The following ZFP36L2 variants were observed in gnomAD, a reference collection of about 807,000 sequenced individuals.
ZFP36L2 encodes the protein mRNA decay activator protein ZFP36L2.
In ZFP36L2, 16 loss-of-function variants were observed where a neutral mutation model predicts 27.9. The observed-to-expected ratio is 0.57, with a 90% CI of 0.39 to 0.87. The LOEUF (loss-of-function observed/expected upper bound fraction) is 0.87. Ranked by LOEUF, ZFP36L2 falls within the 40% of genes least tolerant of loss-of-function variation. The pLI is 0.00. For missense variants in ZFP36L2, 989 were observed against 726.9 expected, an observed-to-expected ratio of 1.36 and a Z score of -4.15; for synonymous variants, 600 against 363.8, an observed-to-expected ratio of 1.65 and a Z score of -7.39.
Position 43,225,521 on chromosome 2 carries a change from G to GA in ZFP36L2, c.282dup (p.Pro95SerfsTer8). 1 of 1,593,612 alleles carries GA rather than the reference G, an allele frequency of 6.3e-7. No individual in the cohort carries two copies. Among genetic ancestry groups the GA allele is most frequent in the Non-Finnish European group, 8.5e-7 (1 of 1,173,118 alleles). On this transcript the variant is annotated frameshift_variant, in exon 2 of 2. Transcript: ENST00000282388. LOFTEE classifies it high-confidence loss of function. Reference sequence around the variant, plus strand: ...TCCTTAAGGGTGCCGTAGGAGGTCGGACCGCCGGCCGCCGCGCTGCCGCAG... The same window carrying GA: ...TCCTTAAGGGTGCCGTAGGAGGTCGGAACCGCCGGCCGCCGCGCTGCCGCAG...
In ZFP36L2 at chr2:43,225,444, C is replaced by G. The variant is rs1415054550; in HGVS notation, c.360G>C (p.Arg120=). The change falls in exon 2 of 2, where the codon CGG becomes CGC. Residue 120 remains arginine (R), a synonymous_variant. Coordinates refer to ENST00000282388, the MANE Select transcript of ZFP36L2 (RefSeq NM_006887.5). ...CGCCGTTCTCGCTAAACGAGCGGTC[C>G]CGGAATTTGTTCTCCTTGTTGAGCA... is the stretch of plus-strand genomic sequence containing the variant. ...TALLNKENKF[R]DRSFSENGDR... 3 of 1,612,572 alleles carry G rather than the reference C, an allele frequency of 1.9e-6. No individual in the cohort carries two copies. Among genetic ancestry groups the G allele is most frequent in the South Asian group, 1.1e-5 (1 of 91,000 alleles).
Position 43,225,237 on chromosome 2 carries a change from A to C in ZFP36L2, c.567T>G (p.His189Gln). The C allele has an allele frequency of 6.2e-7, 1 of 1,608,402 alleles. No homozygotes were observed. The highest frequency in any genetic ancestry group is 8.5e-7 in the Non-Finnish European group (1 of 1,179,864). Residue 189 changes from histidine to glutamine, a missense_variant, in exon 2 of 2, where the codon CAT (histidine) becomes CAG (glutamine). Physicochemically the swap from His to Gln is conservative, Grantham distance 24. Coordinates refer to ENST00000282388, the MANE Select transcript of ZFP36L2 (RefSeq NM_006887.5). The part of the protein sequence containing the change: ...GFHELRSLTR[H>Q]PKYKTELCRT... ...GGCACAGCTCGGTCTTGTACTTCGG[A>C]TGGCGAGTCAGGCTGCGCAGCTCGT...
chr2:43,226,569 C>T lies in ZFP36L2; in HGVS notation c.-254G>A, dbSNP rs566245657. ...CCCCGGGGTGCCCGGCCCGCCCCCC[C>T]CGCGGAGCCGACGGCAGCTCGCGGA... On this transcript the variant is annotated 5_prime_UTR_variant, in exon 1 of 2. Coordinates refer to ENST00000282388, the MANE Select transcript of ZFP36L2 (RefSeq NM_006887.5). 1.0e-5 allele frequency: 5 copies of T among 500,520 alleles called. No homozygotes were observed. The highest frequency in any genetic ancestry group is 6.2e-5 in the African/African-American group (3 of 48,184). 31.0% of individuals were successfully genotyped at this position (500,520 alleles called of 1,614,324 possible). A position where few individuals can be genotyped will look rare whatever the true frequency, so the allele number is the denominator to read the frequency against.
Position 43,226,169 on chromosome 2 carries a change from G to A in ZFP36L2, c.51+96C>T, listed in dbSNP as rs962121499. 4.0e-6 allele frequency: 6 copies of A among 1,491,864 alleles called. No homozygotes were observed. The Admixed American group carries it at 5.9e-5, about 15-fold the overall frequency. 92.4% of individuals were successfully genotyped at this position (1,491,864 alleles called of 1,614,324 possible). ...ACCCCGGGACTTTCCCGACCTGAAA[G>A]GCAGGGCGGGAGGGGCGTCCCCCAG... is the stretch of plus-strand genomic sequence containing the variant. On this transcript the variant is annotated intron_variant, in intron 1 of 1. Coordinates refer to ENST00000282388, the MANE Select transcript of ZFP36L2 (RefSeq NM_006887.5).
rs1306480514 is a variant in ZFP36L2 at position 43,223,048 on chromosome 2, T to C, written c.*1271A>G. 3 of 152,340 alleles carry C rather than the reference T, an allele frequency of 2.0e-5. No homozygotes were observed. The highest frequency in any genetic ancestry group is 7.2e-5 in the African/African-American group (3 of 41,446). The allele number at this position is 152,340 out of a possible 1,614,324, so 9.4% of individuals were successfully genotyped here. ...AAAAGCATGCCACATTTCAGCCTGA[T>C]TGCAAAGTATGTGGTCATTTTTTTC... On this transcript the variant is annotated 3_prime_UTR_variant, in exon 2 of 2. Transcript: ENST00000282388.
Position 43,224,742 on chromosome 2 carries a change from C to T in ZFP36L2, c.1062G>A (p.Ser354=). The T allele has an allele frequency of 6.6e-7, 1 of 1,515,382 alleles. No individual in the cohort carries two copies. Among genetic ancestry groups the T allele is most frequent in the South Asian group, 1.2e-5 (1 of 82,364 alleles). 93.9% of individuals were successfully genotyped at this position (1,515,382 alleles called of 1,614,324 possible). A position where few individuals can be genotyped will look rare whatever the true frequency, so the allele number is the denominator to read the frequency against. Residue 354 remains serine, a synonymous_variant, in exon 2 of 2, where the codon TCG becomes TCA. Coordinates refer to ENST00000282388, the MANE Select transcript of ZFP36L2 (RefSeq NM_006887.5). ...LAPGAPCAAC[S]SASCANNAFA... ...AGGCGTTGTTGGCGCACGAGGCCGA[C>T]GAGCAGGCCGCGCACGGGGCCCCCG...
Position 43,224,550 on chromosome 2 carries a change from G to T in ZFP36L2, c.1254C>A (p.Pro418=). Residue 418 remains proline, a synonymous_variant, in exon 2 of 2, where the codon CCC becomes CCA. Transcript: ENST00000282388. ...QPPAPPSATL[P]AGAAAPPSPP... is the part of the protein sequence containing the mutation. ...GCGAGGGAGGTGCGGCGGCCCCGGC[G>T]GGGAGGGTCGCGCTGGGCGGCGCCG... 1 of 1,416,352 alleles carries T rather than the reference G, an allele frequency of 7.1e-7. No homozygotes were observed. Among genetic ancestry groups the T allele is most frequent in the Non-Finnish European group, 9.2e-7 (1 of 1,090,294 alleles). 87.7% of individuals were successfully genotyped at this position (1,416,352 alleles called of 1,614,324 possible).
rs1667070497 is a variant in ZFP36L2, at chr2:43,225,458, C to G, written c.346G>C (p.Glu116Gln). The G allele has an allele frequency of 1.9e-6, 3 of 1,612,072 alleles. No individual in the cohort carries two copies. Among genetic ancestry groups the G allele is most frequent in the Non-Finnish European group, 2.5e-6 (3 of 1,179,238 alleles). Reference sequence around the variant, plus strand: ...AACGAGCGGTCCCGGAATTTGTTCTCCTTGTTGAGCAGGGCTGTGCCGCCG... The same window carrying G: ...AACGAGCGGTCCCGGAATTTGTTCTGCTTGTTGAGCAGGGCTGTGCCGCCG... ...GGGGTALLNK[E>Q]NKFRDRSFSE... The change falls in exon 2 of 2, where the codon GAG (glutamate) becomes CAG (glutamine). Residue 116 changes from glutamate to glutamine, a missense_variant. By Grantham distance (29) the Glu-to-Gln change is conservative (BLOSUM62 2). Coordinates refer to ENST00000282388, the MANE Select transcript of ZFP36L2 (RefSeq NM_006887.5).
rs1434855453 is a variant in ZFP36L2 at position 43,226,566 on chromosome 2, C to A, written c.-251G>T. 4.0e-6 allele frequency: 2 copies of A among 501,880 alleles called. No homozygotes were observed. The highest frequency in any genetic ancestry group is 6.9e-6 in the Non-Finnish European group (2 of 287,818). The allele number at this position is 501,880 out of a possible 1,614,324, so 31.1% of individuals were successfully genotyped here. A position where few individuals can be genotyped will look rare whatever the true frequency, so the allele number is the denominator to read the frequency against. ...GCGCCCCGGGGTGCCCGGCCCGCCC[C>A]CCCCGCGGAGCCGACGGCAGCTCGC... On this transcript the variant is annotated 5_prime_UTR_variant, in exon 1 of 2. Transcript: ENST00000282388.
rs1465891543 is a variant in ZFP36L2, at chr2:43,225,439, C to T, written c.365G>A (p.Arg122His). 1 of 1,612,562 alleles carries T rather than the reference C, an allele frequency of 6.2e-7. No homozygotes were observed. The highest frequency in any genetic ancestry group is 8.5e-7 in the Non-Finnish European group (1 of 1,179,602). The change falls in exon 2 of 2, where the codon CGC (arginine) becomes CAC (histidine). Residue 122 changes from arginine to histidine, a missense_variant. Coordinates refer to ENST00000282388, the MANE Select transcript of ZFP36L2 (RefSeq NM_006887.5). ...GCGATCGCCGTTCTCGCTAAACGAG[C>T]GGTCCCGGAATTTGTTCTCCTTGTT... ...LLNKENKFRD[R>H]SFSENGDRSQ...
Position 43,224,897 on chromosome 2 carries a change from CGGA to C in ZFP36L2, c.904_906del (p.Ser302del), listed in dbSNP as rs770409982. On this transcript the variant is annotated inframe_deletion, in exon 2 of 2. Transcript: ENST00000282388. ...GCGGAGGCCGAGGAACAGGAGGAGG[CGGA>C]GGAGGAGCAGGACGAGGCCGAAGAG... 8.5e-6 allele frequency: 13 copies of C among 1,538,258 alleles called. No homozygotes were observed. Among genetic ancestry groups the C allele is most frequent in the East Asian group, 2.5e-5 (1 of 39,428 alleles).
rs935332262 is a variant in ZFP36L2 at position 43,223,634 on chromosome 2, G to A, written c.*685C>T. 2 of 152,702 alleles carry A rather than the reference G, an allele frequency of 1.3e-5. No homozygotes were observed. The highest frequency in any genetic ancestry group is 2.9e-5 in the Non-Finnish European group (2 of 68,034). 9.5% of individuals were successfully genotyped at this position (152,702 alleles called of 1,614,324 possible). ...TGAACATCCACTAAGTGGTGGCAAT[G>A]AAACCAAGTAACCAGTATGGACCTT... On this transcript the variant is annotated 3_prime_UTR_variant, in exon 2 of 2. Coordinates refer to ENST00000282388, the MANE Select transcript of ZFP36L2 (RefSeq NM_006887.5).
chr2:43,224,756 ACGGGGCCCCCGGCGCCAGCAGGTCCT>A lies in ZFP36L2; in HGVS notation c.1022_1047del (p.Glu341ValfsTer124), dbSNP rs778500597. The A allele has an allele frequency of 1.3e-6, 2 of 1,501,620 alleles. No individual in the cohort carries two copies. The highest frequency in any genetic ancestry group is 8.8e-7 in the Non-Finnish European group (1 of 1,132,690). 93.0% of individuals were successfully genotyped at this position (1,501,620 alleles called of 1,614,324 possible). A position where few individuals can be genotyped will look rare whatever the true frequency, so the allele number is the denominator to read the frequency against. ...CACGAGGCCGACGAGCAGGCCGCGC[ACGGGGCCCCCGGCGCCAGCAGGTCCT>A]CGGCGCCCCCGGTGCCGTACAGCAG... On this transcript the variant is annotated frameshift_variant, in exon 2 of 2. Coordinates refer to ENST00000282388, the MANE Select transcript of ZFP36L2 (RefSeq NM_006887.5). LOFTEE classifies it high-confidence loss of function.
rs1375456352 is a variant in ZFP36L2, at chr2:43,224,840, A to G, written c.964T>C (p.Cys322Arg). The part of the protein sequence containing the change: ...ASTPSGAPTC[C>R]ASAAAAAAAA... Reference sequence around the variant, plus strand: ...GCAGCCGCGGCCGCCGCGGAGGCGCAGCATGTCGGGGCGCCCGAGGGCGTG... The same window carrying G: ...GCAGCCGCGGCCGCCGCGGAGGCGCGGCATGTCGGGGCGCCCGAGGGCGTG... Residue 322 changes from cysteine (C) to arginine (R), a missense_variant, in exon 2 of 2, where the codon TGC (cysteine) becomes CGC (arginine). Transcript: ENST00000282388. The G allele has an allele frequency of 4.1e-6, 6 of 1,450,446 alleles. No homozygotes were observed. The highest frequency in any genetic ancestry group is 1.5e-5 in the African/African-American group (1 of 66,266). The allele number at this position is 1,450,446 out of a possible 1,614,324, so 89.8% of individuals were successfully genotyped here.
intron 1 of ZFP36L2, among the ~76,000 whole-genome samples, chr2:43,226,032 G>T (rs1392413851): frequency 6.6e-6 from 1 of 152,206 alleles, no homozygotes; most frequent in Non-Finnish European, 1.5e-5. Flanking sequence ...AAGCCTGTCC[G>T]GGAAGCCCCG....
chr2:43,225,877 G>A (rs1667088338), intron 1 of ZFP36L2, 125 bp from the exon 2 acceptor site: 1 of 1,049,960 alleles, frequency 9.5e-7, no homozygotes, highest in Non-Finnish European at 1.3e-6. Context: ...GGCGGATCCC[G>A]ACTCGGCCTC....
chr2:43,226,356 G>A lies in ZFP36L2; in HGVS notation c.-41C>T, dbSNP rs1414439527. 1.9e-6 allele frequency: 3 copies of A among 1,557,720 alleles called. No individual in the cohort carries two copies. The highest frequency in any genetic ancestry group is 1.9e-5 in the Admixed American group (1 of 51,958). On this transcript the variant is annotated 5_prime_UTR_variant, in exon 1 of 2. Coordinates refer to ENST00000282388, the MANE Select transcript of ZFP36L2 (RefSeq NM_006887.5). ...AGTGGCCGGAGCGGCAGGCCGGGAGGTCGGGAGGAGCCCTTGGGGCGGCGT... is the reference window on the plus strand; with the variant it reads ...AGTGGCCGGAGCGGCAGGCCGGGAGATCGGGAGGAGCCCTTGGGGCGGCGT...
At position 43,222,961 on chromosome 2, in the gene ZFP36L2, G is replaced by A. The variant is rs1667000426; in HGVS notation, c.*1358C>T. ...GCTACATGTCTTTATACTCGAGTAT[G>A]TCACAGTAGAACTGGTGGAATAAGC... is the stretch of plus-strand genomic sequence containing the variant. On this transcript the variant is annotated 3_prime_UTR_variant, in exon 2 of 2. Coordinates refer to ENST00000282388, the MANE Select transcript of ZFP36L2 (RefSeq NM_006887.5). 6.6e-6 allele frequency: 1 copy of A among 152,232 alleles called. No individual in the cohort carries two copies. Among genetic ancestry groups the A allele is most frequent in the Non-Finnish European group, 1.5e-5 (1 of 68,006 alleles). The allele number at this position is 152,232 out of a possible 1,614,324, so 9.4% of individuals were successfully genotyped here.
rs1043997417 is a variant in ZFP36L2, at chr2:43,223,094, A to C, written c.*1225T>G. The C allele has an allele frequency of 1.3e-5, 2 of 152,364 alleles. No homozygotes were observed. Among genetic ancestry groups the C allele is most frequent in the African/African-American group, 2.4e-5 (1 of 41,452 alleles). 9.4% of individuals were successfully genotyped at this position (152,364 alleles called of 1,614,324 possible). ...TTTTCTTTGAAGTTGGATGGGCTAC[A>C]ACCTTTATACATTCTAAGAAAACTC... On this transcript the variant is annotated 3_prime_UTR_variant, in exon 2 of 2. Transcript: ENST00000282388.
Sources: gnomAD v4.1 joint callset for allele counts (sites outside exome capture counted in the v4.1 genomes callset) on GRCh38, gnomAD v4.1.1 for gene constraint, MANE v1.5 for transcripts, NCBI Gene and HGNC (gene_info 2026-07-23, HGNC 2026-07-21) for gene names.